Variants in CCNJL observed in about 807,000 individuals in gnomAD.
The protein encoded by CCNJL is cyclin J like, also known as cyclin-J-like protein.
A neutral mutation model predicts 33.4 loss-of-function variants in CCNJL; 33 were observed. The observed-to-expected ratio is 0.99, with a 90% CI of 0.75 to 1.32. The LOEUF (loss-of-function observed/expected upper bound fraction) is 1.32. CCNJL is among the 40% of genes most tolerant of loss of function. CCNJL has a pLI of 0.00. For missense variants in CCNJL, 512 were observed against 499.7 expected, an observed-to-expected ratio of 1.02 and a Z score of -0.23; for synonymous variants, 227 against 220.9, an observed-to-expected ratio of 1.03 and a Z score of -0.24.
intron 3 of CCNJL, among the ~76,000 whole-genome samples, chr5:160,269,951 C>T (rs1761765426): frequency 6.6e-6 from 1 of 152,206 alleles, no homozygotes; most frequent in Non-Finnish European, 1.5e-5. Context: ...AATACAACTA[C>T]AGCCTACCTT....
intron 1 of CCNJL, among the ~76,000 whole-genome samples, chr5:160,319,686 G>A (rs185295109): frequency 7.2e-5 from 11 of 152,144 alleles, no homozygotes; most frequent in Non-Finnish European, 1.3e-4. Flanking sequence ...ATCCCAGTAC[G>A]TTGGGAGGCT....
rs755233695 is a variant in CCNJL, at chr5:160,259,757, G to C, written c.295C>G (p.Arg99Gly). 6.2e-7 allele frequency: 1 copy of C among 1,608,484 alleles called. No homozygotes were observed. Among genetic ancestry groups the C allele is most frequent in the Admixed American group, 1.7e-5 (1 of 59,842 alleles). ...TCCAACTTGGGGACGTGGTCTTCCC[G>C]ATCCTCGAACTTACCTGTCGGGGAG... The part of the protein sequence containing the change: ...CLLLASKFED[R>G]EDHVPKLEQI... The change falls in exon 4 of 6, where the codon CGG becomes GGG. Residue 99 changes from arginine (R) to glycine (G), a missense_variant. Physicochemically the swap from Arg to Gly is moderately radical, Grantham distance 125 (BLOSUM62 -2). Coordinates refer to ENST00000257536, the MANE Select transcript of CCNJL (RefSeq NM_001308173.3).
chr5:160,334,834 T>C (rs534764628), intron 1 of CCNJL, among the ~76,000 whole-genome samples: 3 of 152,376 alleles, frequency 2.0e-5, no homozygotes, highest in African/African-American at 7.2e-5. Context: ...TCCAAATCCA[T>C]GACAAGAAAA....
chr5:160,257,516 C>A (rs147742206), intron 4 of CCNJL, among the ~76,000 whole-genome samples: 133 of 151,348 alleles, frequency 8.8e-4, no homozygotes, highest in African/African-American at 3.1e-3. Context: ...CTAGCAATAA[C>A]CTTGGGTAAG....
intron 1 of CCNJL, among the ~76,000 whole-genome samples, chr5:160,332,787 C>A (rs1262380699): frequency 2.0e-5 from 3 of 149,978 alleles, no homozygotes; most frequent in Non-Finnish European, 4.5e-5. Flanking sequence ...GTCTTCTCTG[C>A]TTTTTTTTTT....
At chr5:160,262,609 G>A (rs879532441) in intron 3 of CCNJL, among the ~76,000 whole-genome samples, 3 of 152,204 alleles carry the variant, frequency 2.0e-5, no homozygotes, top group Non-Finnish European at 4.4e-5. Flanking sequence ...GCTGTGCTTC[G>A]AGCTGGTCAT....
chr5:160,253,916 G>C, intron 5 of CCNJL, 118 bp from the exon 6 acceptor site: 2 of 700,756 alleles, frequency 2.9e-6, no homozygotes, highest in East Asian at 5.7e-5. Context: ...GTGTCCACCA[G>C]GCCTTACCTG....
intron 3 of CCNJL, among the ~76,000 whole-genome samples, chr5:160,273,489 T>A (rs114615525): frequency 0.021 from 3,197 of 152,006 alleles, 105 homozygotes; most frequent in African/African-American, 0.073. Flanking sequence ...TGGCACTAAG[T>A]CCACTAAAAA....
chr5:160,279,163 C>A lies in CCNJL; in HGVS notation c.280+1362G>T, dbSNP rs542481723. 3.3e-5 allele frequency among the ~76,000 whole-genome samples: 5 copies of A among 152,122 alleles called. No individual in the cohort carries two copies. In the South Asian group the frequency reaches 1.0e-3, roughly 32 times the overall value. ...TTTATGGAAGCCTGCCAAAAGCAGA[C>A]AAAGCTACAGGAGAAAGTGGGTGCC... is the stretch of plus-strand genomic sequence containing the variant. On this transcript the variant is annotated intron_variant, in intron 3 of 5. Coordinates refer to ENST00000257536, the MANE Select transcript of CCNJL (RefSeq NM_001308173.3).
intron 2 of CCNJL, among the ~76,000 whole-genome samples, chr5:160,300,336 G>C (rs1466446389): frequency 6.6e-6 from 1 of 152,104 alleles, no homozygotes; most frequent in African/African-American, 2.4e-5. Flanking sequence ...AGCCCTTGAT[G>C]CAGGTCTCAG....
chr5:160,276,943 C>A (rs1414044164), intron 3 of CCNJL, among the ~76,000 whole-genome samples: 1 of 152,140 alleles, frequency 6.6e-6, no homozygotes, highest in Non-Finnish European at 1.5e-5. Context: ...GCCACCAACA[C>A]CCAGCTAATT....
chr5:160,335,116 A>G (rs1763666554), intron 1 of CCNJL, among the ~76,000 whole-genome samples: 1 of 152,144 alleles, frequency 6.6e-6, no homozygotes, highest in African/African-American at 2.4e-5. Context: ...TACAGCAATT[A>G]GTCAGGTGTG....
chr5:160,274,791 G>A (rs1761954142), intron 3 of CCNJL: 2 of 152,512 alleles, frequency 1.3e-5, no homozygotes, highest in East Asian at 1.9e-4. Context: ...AGGGGCAGGA[G>A]GGGCTCAGAG....
At chr5:160,304,754 A>G (rs1310694936) in intron 2 of CCNJL, among the ~76,000 whole-genome samples, 1 of 151,876 alleles carries the variant, frequency 6.6e-6, no homozygotes, top group Non-Finnish European at 1.5e-5. Flanking sequence ...GGAAAAACCA[A>G]GCGGAGGATG....
intron 3 of CCNJL, among the ~76,000 whole-genome samples, chr5:160,265,413 G>A (rs562974181): frequency 1.3e-3 from 198 of 152,170 alleles, no homozygotes; most frequent in African/African-American, 4.4e-3. Context: ...CGAAGCAGGC[G>A]GATCACGAGG....
intron 1 of CCNJL, among the ~76,000 whole-genome samples, chr5:160,330,949 G>A (rs900203156): frequency 5.3e-5 from 8 of 151,358 alleles, no homozygotes; most frequent in East Asian, 2.0e-4. Context: ...CACTGTGCCC[G>A]GCCCACTGCT....
At chr5:160,265,046 TAAAAC>T (rs1761514165) in intron 3 of CCNJL, among the ~76,000 whole-genome samples, 1 of 152,034 alleles carries the variant, frequency 6.6e-6, no homozygotes, top group Non-Finnish European at 1.5e-5. Flanking sequence ...CCCGAAAACT[TAAAAC>T]AAAAAGGTAA....
intron 1 of CCNJL, among the ~76,000 whole-genome samples, chr5:160,323,627 A>T (rs1182744059): frequency 6.6e-6 from 1 of 152,140 alleles, no homozygotes; most frequent in African/African-American, 2.4e-5. Context: ...AATTGTTGTG[A>T]TGAAGGGTGT....
At chr5:160,282,993 A>G (rs1362401919) in intron 2 of CCNJL, among the ~76,000 whole-genome samples, 3 of 59,372 alleles carry the variant, frequency 5.1e-5, no homozygotes, top group East Asian at 9.5e-4. Context: ...ATATATATAT[A>G]TATATATATA....
Sources: allele counts gnomAD v4.1 joint callset (sites outside exome capture counted in the v4.1 genomes callset), GRCh38; gene constraint gnomAD v4.1.1; transcripts MANE v1.5; gene names NCBI Gene and HGNC (gene_info 2026-07-23, HGNC 2026-07-21).